FANCD2OS: variants seen among roughly 807,000 people sequenced by gnomAD.
FANCD2OS encodes the protein FANCD2 opposite strand protein.
FANCD2OS carries 11 observed loss-of-function variants against 13.2 expected under a neutral mutation model. The ratio of observed to expected loss-of-function variants is 0.83; its 90% CI spans 0.52 to 1.38. FANCD2OS has a LOEUF of 1.38. FANCD2OS is among the 40% of genes most tolerant of loss of function. FANCD2OS has a pLI of 0.00. For synonymous variants in FANCD2OS, 69 were observed against 84.5 expected (o/e 0.82, Z 1.01); for missense variants, 217 against 213.9 (o/e 1.01, Z -0.09).
At chr3:10,086,902 A>G (rs930272490) in intron 2 of FANCD2OS, among the ~76,000 whole-genome samples, 1 of 152,170 alleles carries the variant, frequency 6.6e-6, no homozygotes, top group African/African-American at 2.4e-5. Flanking sequence ...GACCCCTTCA[A>G]GGCCAACATT....
At position 10,104,785 on chromosome 3, in the gene FANCD2OS, A is replaced by G. The variant is rs1369763173; in HGVS notation, c.-8-3T>C. 4 of 1,543,730 alleles carry G rather than the reference A, an allele frequency of 2.6e-6. No individual in the cohort carries two copies. Among genetic ancestry groups the G allele is most frequent in the Non-Finnish European group, 3.5e-6 (4 of 1,145,010 alleles). ...CTGGTATCCTGCCATTGACAGTCCT[A>G]AAGGAGGGAAATCAGAGCATGGAAT... is the stretch of plus-strand genomic sequence containing the variant. On this transcript the variant is annotated splice_region_variant and splice_polypyrimidine_tract_variant and intron_variant, in intron 1 of 1. Coordinates refer to ENST00000450660, the MANE Select transcript of FANCD2OS (RefSeq NM_001164839.2).
chr3:10,097,749 A>G (rs1695058959), intron 2 of FANCD2OS, among the ~76,000 whole-genome samples: 1 of 152,242 alleles, frequency 6.6e-6, no homozygotes, highest in Admixed American at 6.5e-5. Context: ...GGCATAGGAA[A>G]TCACAAGGGT....
At chr3:10,102,389 C>T (rs1055739262), downstream of FANCD2OS, among the ~76,000 whole-genome samples, 9 of 151,686 alleles carry the variant, frequency 5.9e-5, no homozygotes, top group East Asian at 1.9e-4. Flanking sequence ...GTGATCTACC[C>T]GCCTCGGCCT....
At chr3:10,091,601 G>A (rs1419815506) in intron 2 of FANCD2OS, among the ~76,000 whole-genome samples, 1 of 151,914 alleles carries the variant, frequency 6.6e-6, no homozygotes, top group Non-Finnish European at 1.5e-5. Context: ...TCTCAAACAG[G>A]CTGGCTTACC....
intron 2 of FANCD2OS, chr3:10,096,191 C>T: frequency 1.1e-6 from 1 of 888,272 alleles, no homozygotes; most frequent in South Asian, 1.4e-5. Context: ...CCAAACTATT[C>T]CTGTTTGATG....
intron 1 of FANCD2OS, among the ~76,000 whole-genome samples, chr3:10,105,728 G>A (rs1362668254): frequency 1.5e-5 from 2 of 131,742 alleles, no homozygotes; most frequent in Non-Finnish European, 3.2e-5. Flanking sequence ...TCCAGCCTGG[G>A]TGAAAGAGCA....
At chr3:10,107,254 A>T (rs891702085) in intron 1 of FANCD2OS, among the ~76,000 whole-genome samples, 2 of 152,036 alleles carry the variant, frequency 1.3e-5, no homozygotes, top group East Asian at 1.9e-4. Flanking sequence ...TATGGGATTT[A>T]AAAAAGTATT....
At chr3:10,101,048 A>G (rs1695269515), downstream of FANCD2OS, 1 of 615,592 alleles carries the variant, frequency 1.6e-6, no homozygotes, top group Non-Finnish European at 2.9e-6. Flanking sequence ...CAGCCTGGTG[A>G]CAGAGCAAGA....
intron 2 of FANCD2OS, chr3:10,090,470 T>TTC (rs1236242420): frequency 2.4e-6 from 2 of 844,958 alleles, no homozygotes; most frequent in Non-Finnish European, 3.6e-6. Context: ...TTTTTTTTTT[T>TTC]TCTGAGACAG....
At chr3:10,090,064 C>T (rs1184863228) in intron 2 of FANCD2OS, among the ~76,000 whole-genome samples, 2 of 152,154 alleles carry the variant, frequency 1.3e-5, no homozygotes, top group Non-Finnish European at 2.9e-5. Flanking sequence ...TTGCTTTTTC[C>T]ATACTACCAT....
chr3:10,103,023 G>T, downstream of FANCD2OS: 1 of 425,136 alleles, frequency 2.4e-6, no homozygotes, highest in South Asian at 1.7e-5. Flanking sequence ...TTGGGAGGCC[G>T]AGGCCAAGGC....
downstream of FANCD2OS, among the ~76,000 whole-genome samples, chr3:10,098,541 G>A (rs544961451): frequency 3.3e-5 from 5 of 152,252 alleles, no homozygotes; most frequent in Non-Finnish European, 7.4e-5. Flanking sequence ...AGACATCTCA[G>A]AAACCTGGAG....
At position 10,103,997 on chromosome 3, in the gene FANCD2OS, T is replaced by G. The variant is rs1221646878; in HGVS notation, c.*244A>C. On this transcript the variant is annotated 3_prime_UTR_variant, in exon 2 of 2. Coordinates refer to ENST00000450660, the MANE Select transcript of FANCD2OS (RefSeq NM_001164839.2). The stretch of plus-strand genomic sequence containing the variant: ...TTGTTTAACGGTTATCACATGGACA[T>G]GTCAATGCTAGTTTGACTCTAAATG... 7.8e-6 allele frequency: 4 copies of G among 512,538 alleles called. No individual in the cohort carries two copies. Among genetic ancestry groups the G allele is most frequent in the African/African-American group, 7.6e-5 (4 of 52,382 alleles). 31.7% of individuals were successfully genotyped at this position (512,538 alleles called of 1,614,324 possible).
rs749002651 is a variant in FANCD2OS, at chr3:10,104,591, G to C, written c.184C>G (p.Pro62Ala). The C allele has an allele frequency of 1.9e-6, 3 of 1,614,080 alleles. No individual in the cohort carries two copies. In the African/African-American group the frequency reaches 4.0e-5, roughly 22 times the overall value. The change falls in exon 2 of 2, where the codon CCA becomes GCA. Residue 62 changes from proline to alanine, a missense_variant. Coordinates refer to ENST00000450660, the MANE Select transcript of FANCD2OS (RefSeq NM_001164839.2). ...FQEVTLVLDS[P>A]FLESGVSPKL... ...GGACTCACTCCAGATTCCAGGAATG[G>C]GCTGTCTAGGACTAGAGTGACCTCT...
intron 2 of FANCD2OS, among the ~76,000 whole-genome samples, chr3:10,085,238 C>G (rs1219643839): frequency 1.3e-5 from 2 of 151,916 alleles, no homozygotes; most frequent in African/African-American, 2.4e-5. Context: ...GGTGGCTCAC[C>G]CCTGTGAAAA....
chr3:10,098,733 A>G, downstream of FANCD2OS: 5 of 1,614,182 alleles, frequency 3.1e-6, no homozygotes, highest in Non-Finnish European at 4.2e-6. Flanking sequence ...GAAGAGATTA[A>G]GTCCCAAAAT....
In FANCD2OS at chr3:10,095,382, T is replaced by C; in HGVS notation, c.*43+8816A>G. On this transcript the variant is annotated intron_variant, in intron 2 of 2. Transcript: ENST00000524279. ...CCTTCTTCCTTTATATCTGGGACTG[T>C]GTCTGTCCAAAGGCAGTTTATTCAG... The C allele has an allele frequency of 4.3e-6, 4 of 928,072 alleles. No homozygotes were observed. In the South Asian group the frequency reaches 5.6e-5, roughly 13 times the overall value. 57.5% of individuals were successfully genotyped at this position (928,072 alleles called of 1,614,324 possible).
At chr3:10,082,147 A>G (rs1000992041) in intron 2 of FANCD2OS, among the ~76,000 whole-genome samples, 1 of 152,200 alleles carries the variant, frequency 6.6e-6, no homozygotes, top group Non-Finnish European at 1.5e-5. Flanking sequence ...ATGCTCCTTC[A>G]GCTTTGCCTG....
At chr3:10,104,883 G>T in intron 1 of FANCD2OS, 101 bp from the exon 2 acceptor site, 1 of 940,572 alleles carries the variant, frequency 1.1e-6, no homozygotes, top group Non-Finnish European at 1.5e-6. Flanking sequence ...ACATAAACTT[G>T]TTCTATAGTT....
Sources: allele counts gnomAD v4.1 joint callset (sites outside exome capture counted in the v4.1 genomes callset), GRCh38; gene constraint gnomAD v4.1.1; transcripts MANE v1.5; gene names NCBI Gene and HGNC (gene_info 2026-07-23, HGNC 2026-07-21).